The following SPAST variants were observed in gnomAD, a reference collection of about 807,000 sequenced individuals.
The protein encoded by SPAST is spastin.
SPAST carries 30 observed loss-of-function variants against 76.6 expected under a neutral mutation model. That is an observed-to-expected ratio of 0.39 (90% CI 0.29 to 0.53). The LOEUF (loss-of-function observed/expected upper bound fraction) is 0.53. Ranked by LOEUF, SPAST falls within the 20% of genes least tolerant of loss-of-function variation. The pLI is 0.68. For missense variants in SPAST, 717 were observed against 770.5 expected, an observed-to-expected ratio of 0.93 and a Z score of 0.82; for synonymous variants, 305 against 281.0, an observed-to-expected ratio of 1.09 and a Z score of -0.86.
At position 32,113,921 on chromosome 2, in the gene SPAST, T is replaced by C. The variant is rs144619279; in HGVS notation, c.683-717T>C. 3.9e-4 allele frequency among the ~76,000 whole-genome samples: 59 copies of C among 152,016 alleles called. 1 individual carries two copies. In the East Asian group the frequency reaches 0.01, roughly 26 times the overall value. On this transcript the variant is annotated intron_variant, in intron 4 of 16. Transcript: ENST00000315285. ...TTCCCCAAAATGAAGTAGTTTCTTC[T>C]TAAAAATACTGTTTTTTGTTTTTTT...
At chr2:32,111,778 G>A (rs1192016656) in intron 4 of SPAST, among the ~76,000 whole-genome samples, 1 of 151,278 alleles carries the variant, frequency 6.6e-6, no homozygotes, top group African/African-American at 2.4e-5. Context: ...TCATTTTAAT[G>A]TGACAGGTCA....
At chr2:32,147,578 A>T (rs1679934366) in intron 16 of SPAST, among the ~76,000 whole-genome samples, 1 of 151,892 alleles carries the variant, frequency 6.6e-6, no homozygotes, top group Non-Finnish European at 1.5e-5. Context: ...CGGCCTCCCA[A>T]AGTGCTGGGA....
intron 14 of SPAST, 131 bp from the exon 15 acceptor site, chr2:32,144,806 T>C: frequency 1.5e-6 from 1 of 676,146 alleles, no homozygotes; most frequent in Non-Finnish European, 2.7e-6. Flanking sequence ...GGAGAATCGC[T>C]CCAGGAGGTG....
At chr2:32,086,205 C>T (rs1251951682) in intron 1 of SPAST, among the ~76,000 whole-genome samples, 3 of 152,076 alleles carry the variant, frequency 2.0e-5, no homozygotes, top group South Asian at 2.1e-4. Flanking sequence ...GGCTTGTAAT[C>T]CCAGCACTTC....
In SPAST at chr2:32,138,616, G is replaced by C. The variant is rs190613003; in HGVS notation, c.1493+1428G>C. 1.5e-4 allele frequency among the ~76,000 whole-genome samples: 23 copies of C among 152,188 alleles called. No individual in the cohort carries two copies. In the East Asian group the frequency reaches 4.2e-3, roughly 28 times the overall value. The stretch of plus-strand genomic sequence containing the variant: ...TTAGATGCAGTTCTGTAGATTGTCT[G>C]TTTACTCTGTTGATGGTTCTTTTTG... On this transcript the variant is annotated intron_variant, in intron 12 of 16. Transcript: ENST00000315285.
Position 32,156,071 on chromosome 2 carries a change from T to C in SPAST, c.*1575T>C, listed in dbSNP as rs1680242877. 1.3e-5 allele frequency: 2 copies of C among 150,832 alleles called. No homozygotes were observed. The highest frequency in any genetic ancestry group is 4.2e-4 in the South Asian group (2 of 4,782). 9.3% of individuals were successfully genotyped at this position (150,832 alleles called of 1,614,324 possible). On this transcript the variant is annotated 3_prime_UTR_variant, in exon 17 of 17. Transcript: ENST00000315285. ...TTTTTTTTTTGAGACAGAGTTTCGC[T>C]CTTGTTGCCCAGGCTGGAGTGCAAT...
intron 1 of SPAST, among the ~76,000 whole-genome samples, chr2:32,085,015 T>C (rs953343552): frequency 6.6e-6 from 1 of 152,030 alleles, no homozygotes; most frequent in Non-Finnish European, 1.5e-5. Context: ...AATATGACAT[T>C]GTTATCACTT....
At chr2:32,110,708 G>C (rs899342604) in intron 4 of SPAST, among the ~76,000 whole-genome samples, 1 of 130,014 alleles carries the variant, frequency 7.7e-6, no homozygotes, top group African/African-American at 3.0e-5. Flanking sequence ...AGTGTACATA[G>C]TATACTATAT....
rs1178745595 is a variant in SPAST at position 32,157,048 on chromosome 2, A to T, written c.*2552A>T. 2.0e-5 allele frequency: 3 copies of T among 152,520 alleles called. No homozygotes were observed. The highest frequency in any genetic ancestry group is 4.4e-5 in the Non-Finnish European group (3 of 68,024). 9.4% of individuals were successfully genotyped at this position (152,520 alleles called of 1,614,324 possible). ...GTTTGGTCTTTTTCAATAAAGATAG[A>T]AGTTGCTGAAGTTTTCTGAATTAAT... On this transcript the variant is annotated 3_prime_UTR_variant, in exon 17 of 17. Coordinates refer to ENST00000315285, the MANE Select transcript of SPAST (RefSeq NM_014946.4).
chr2:32,154,627 A>G lies in SPAST; in HGVS notation c.*131A>G. 4.5e-6 allele frequency: 4 copies of G among 893,196 alleles called. No individual in the cohort carries two copies. The highest frequency in any genetic ancestry group is 7.1e-6 in the Non-Finnish European group (4 of 565,626). 55.3% of individuals were successfully genotyped at this position (893,196 alleles called of 1,614,324 possible). ...TTAGAGTCTTACATATTTGTGCACCAAACTTGAAGATGAACCAGAAAACAG... is the reference window on the plus strand; with the variant it reads ...TTAGAGTCTTACATATTTGTGCACCGAACTTGAAGATGAACCAGAAAACAG... On this transcript the variant is annotated 3_prime_UTR_variant, in exon 17 of 17. Transcript: ENST00000315285.
chr2:32,093,858 C>G (rs903338621), intron 3 of SPAST, among the ~76,000 whole-genome samples: 1 of 151,966 alleles, frequency 6.6e-6, no homozygotes, highest in Non-Finnish European at 1.5e-5. Context: ...GCCAATTTGC[C>G]GACATCAAAA....
rs1296973724 is a variant in SPAST, at chr2:32,119,425, A to T, written c.1098+3213A>T. Among the ~76,000 whole-genome samples, 3 of 152,184 alleles carry T rather than the reference A, an allele frequency of 2.0e-5. No homozygotes were observed. In the East Asian group the frequency reaches 5.8e-4, roughly 29 times the overall value. On this transcript the variant is annotated intron_variant, in intron 7 of 16. Coordinates refer to ENST00000315285, the MANE Select transcript of SPAST (RefSeq NM_014946.4). ...GTGAGTGGCAGGCATTCTTGAGTAT[A>T]CTGGAATTTTTATTTCATTGTAGAA...
Position 32,102,368 on chromosome 2 carries a change from T to G in SPAST, c.682+3477T>G, listed in dbSNP as rs572168242. On this transcript the variant is annotated intron_variant, in intron 4 of 16. Transcript: ENST00000315285. Reference sequence around the variant, plus strand: ...GTTGCTTATCAGCTTAAGGAGATTTTGGGCTGAGATGATGGGGTTTTCTAA... The same window carrying G: ...GTTGCTTATCAGCTTAAGGAGATTTGGGGCTGAGATGATGGGGTTTTCTAA... Among the ~76,000 whole-genome samples the G allele has an allele frequency of 4.6e-5, 7 of 152,346 alleles. No individual in the cohort carries two copies. In the South Asian group the frequency reaches 1.4e-3, roughly 32 times the overall value.
At chr2:32,080,897 T>A (rs1346669245) in intron 1 of SPAST, among the ~76,000 whole-genome samples, 3 of 146,638 alleles carry the variant, frequency 2.0e-5, no homozygotes. Flanking sequence ...TGGCTTCAAG[T>A]GATTCTCCTG....
intron 7 of SPAST, among the ~76,000 whole-genome samples, chr2:32,121,921 T>G (rs1016755502): frequency 9.2e-5 from 14 of 152,210 alleles, no homozygotes; most frequent in African/African-American, 2.7e-4. Context: ...TACTTTATTA[T>G]CTGTTTCTTC....
At chr2:32,108,943 C>G (rs1203585287) in intron 4 of SPAST, among the ~76,000 whole-genome samples, 1 of 150,890 alleles carries the variant, frequency 6.6e-6, no homozygotes, top group Non-Finnish European at 1.5e-5. Flanking sequence ...TTTTTGTATT[C>G]TTAGTAGAAA....
intron 14 of SPAST, among the ~76,000 whole-genome samples, 180 bp from the exon 15 acceptor site, chr2:32,144,757 C>T (rs567974903): frequency 2.6e-5 from 4 of 152,136 alleles, no homozygotes; most frequent in South Asian, 4.2e-4. Context: ...GGTGCGGTGG[C>T]GCATGCCTAT....
chr2:32,066,405 C>A (rs1166096069), intron 1 of SPAST, among the ~76,000 whole-genome samples: 1 of 152,106 alleles, frequency 6.6e-6, no homozygotes, highest in Non-Finnish European at 1.5e-5. Flanking sequence ...CATGGTGGCT[C>A]ACGCGTGTAA....
chr2:32,126,854 A>G, intron 7 of SPAST, 94 bp from the exon 8 acceptor site: 3 of 778,752 alleles, frequency 3.9e-6, no homozygotes, highest in Non-Finnish European at 6.8e-6. Context: ...CTGTTTGGGA[A>G]GATGCTACTG....
Sources: gnomAD v4.1 joint callset for allele counts (sites outside exome capture counted in the v4.1 genomes callset) on GRCh38, gnomAD v4.1.1 for gene constraint, MANE v1.5 for transcripts, NCBI Gene and HGNC (gene_info 2026-07-23, HGNC 2026-07-21) for gene names.